Variants in KCNG4 observed in about 807,000 individuals in gnomAD.
KCNG4 encodes voltage-gated potassium channel regulatory subunit KCNG4.
KCNG4 carries 30 observed loss-of-function variants against 28.2 expected under a neutral mutation model. That is an observed-to-expected ratio of 1.06 (90% CI 0.80 to 1.44). The LOEUF (loss-of-function observed/expected upper bound fraction) is 1.44, where lower values mean the gene tolerates loss of function less well. Ranked by LOEUF, KCNG4 falls within the 40% of genes most tolerant of loss-of-function variation. The probability of loss-of-function intolerance (pLI) is 0.00; values close to 1 mark genes in which losing one functional copy is unlikely to be tolerated. For missense variants in KCNG4, 879 were observed against 712.3 expected, an observed-to-expected ratio of 1.23 and a Z score of -2.66; for synonymous variants, 375 against 315.5, an observed-to-expected ratio of 1.19 and a Z score of -2.00.
intron 2 of KCNG4, among the ~76,000 whole-genome samples, chr16:84,223,415 C>T (rs770855286): frequency 9.9e-5 from 15 of 152,110 alleles, no homozygotes; most frequent in African/African-American, 1.9e-4. Context: ...AACATCAAGG[C>T]GGGAGAATCT....
intron 2 of KCNG4, among the ~76,000 whole-genome samples, chr16:84,229,467 C>G (rs548741316): frequency 2.3e-4 from 35 of 152,336 alleles, no homozygotes; most frequent in African/African-American, 7.7e-4. Context: ...AGGAGCCCAG[C>G]AGGGGTCTAA....
intron 2 of KCNG4, among the ~76,000 whole-genome samples, chr16:84,224,459 A>G (rs1016810491): frequency 6.8e-6 from 1 of 146,184 alleles, no homozygotes; most frequent in Non-Finnish European, 1.5e-5. Context: ...TATTTGATGG[A>G]TGAATGGATG....
rs766073411 is a variant in KCNG4, at chr16:84,222,679, A to G, written c.1098T>C (p.Arg366=). 1.2e-4 allele frequency: 186 copies of G among 1,613,066 alleles called. No individual in the cohort carries two copies. The highest frequency in any genetic ancestry group is 1.4e-4 in the Non-Finnish European group (168 of 1,179,842). Residue 366 remains arginine (R), a synonymous_variant, in exon 3 of 3, where the codon CGT becomes CGC. Transcript: ENST00000308251. ...GLQTLGLTVR[R]CTREFGLLLL... is the part of the protein sequence containing the mutation. The stretch of plus-strand genomic sequence containing the variant: ...GGAGCAGGCCGAACTCACGTGTGCA[A>G]CGGCGCACGGTGAGCCCCAGCGTCT...
Position 84,228,508 on chromosome 16 carries a change from G to A in KCNG4, c.757-5488C>T, listed in dbSNP as rs145136064. ...AGCCACTTTTCTCTCGGCCAGCCGT[G>A]CCCTCCGCTACCCTCCCCTCCTTTA... On this transcript the variant is annotated intron_variant, in intron 2 of 2. Coordinates refer to ENST00000308251, the MANE Select transcript of KCNG4 (RefSeq NM_172347.3). Among the ~76,000 whole-genome samples, 479 of 152,138 alleles carry A rather than the reference G, an allele frequency of 3.1e-3. 4 individuals carry two copies. The highest frequency in any genetic ancestry group is 0.011 in the African/African-American group (452 of 41,502).
rs765825603 is a variant in KCNG4 at position 84,236,473 on chromosome 16, A to G, written c.756+257T>C. The G allele has an allele frequency of 5.5e-5, 30 of 546,930 alleles. 1 individual carries two copies. The highest frequency in any genetic ancestry group is 7.9e-5 in the Non-Finnish European group (25 of 315,328). The allele number at this position is 546,930 out of a possible 1,614,324, so 33.9% of individuals were successfully genotyped here. On this transcript the variant is annotated intron_variant, in intron 2 of 2. Coordinates refer to ENST00000308251, the MANE Select transcript of KCNG4 (RefSeq NM_172347.3). ...TCTGTGTGGCCCACTGAGTCCACGC[A>G]TGGCTGAGGGCCACGTAATGATTTT...
In KCNG4 at chr16:84,218,798, G is replaced by C. The variant is rs1904490033; in HGVS notation, c.*3419C>G. On this transcript the variant is annotated 3_prime_UTR_variant, in exon 3 of 3. Transcript: ENST00000308251. ...AGACACTATAGAATCTCATAATGGT[G>C]GTGGTGCTTCACCTAATTTTGATTT... 1 of 152,204 alleles carries C rather than the reference G, an allele frequency of 6.6e-6. No individual in the cohort carries two copies. The highest frequency in any genetic ancestry group is 1.5e-5 in the Non-Finnish European group (1 of 68,052). 9.4% of individuals were successfully genotyped at this position (152,204 alleles called of 1,614,324 possible).
rs963651754 is a variant in KCNG4, at chr16:84,221,309, G to T, written c.*908C>A. 1 of 152,260 alleles carries T rather than the reference G, an allele frequency of 6.6e-6. No homozygotes were observed. Among genetic ancestry groups the T allele is most frequent in the African/African-American group, 2.4e-5 (1 of 41,454 alleles). 9.4% of individuals were successfully genotyped at this position (152,260 alleles called of 1,614,324 possible). On this transcript the variant is annotated 3_prime_UTR_variant, in exon 3 of 3. Transcript: ENST00000308251. ...GGCTCAGCTGTGGATGAAAAGCTAA[G>T]GCCCCTGCAGTGTGGGAGCAACCAG...
chr16:84,237,877 C>G (rs1221934948), intron 1 of KCNG4, among the ~76,000 whole-genome samples: 1 of 152,152 alleles, frequency 6.6e-6, no homozygotes, highest in Non-Finnish European at 1.5e-5. Context: ...GGCTTAACCT[C>G]TCTGATCTCA....
In KCNG4 at chr16:84,223,076, GA is replaced by G; in HGVS notation, c.757-57del. ...AGAGAGTGGACTTGCAACTGTGCTG[GA>G]AATCGGGGGACGACTTCATGCCCAT... On this transcript the variant is annotated intron_variant, in intron 2 of 2. Coordinates refer to ENST00000308251, the MANE Select transcript of KCNG4 (RefSeq NM_172347.3). 2.9e-6 allele frequency: 4 copies of G among 1,371,652 alleles called. No homozygotes were observed. The South Asian group carries it at 5.9e-5, about 20-fold the overall frequency. 85.0% of individuals were successfully genotyped at this position (1,371,652 alleles called of 1,614,324 possible).
chr16:84,230,072 G>A (rs1324282824), intron 2 of KCNG4, among the ~76,000 whole-genome samples: 1 of 152,010 alleles, frequency 6.6e-6, no homozygotes. Context: ...CTGCATCCCG[G>A]GGAGGAGGCC....
chr16:84,229,894 A>C (rs572298180), intron 2 of KCNG4, among the ~76,000 whole-genome samples: 1 of 152,378 alleles, frequency 6.6e-6, no homozygotes, highest in East Asian at 1.9e-4. Flanking sequence ...AGCAATTACC[A>C]AATGCCACCA....
At chr16:84,233,811 A>G (rs2151339316) in intron 2 of KCNG4, among the ~76,000 whole-genome samples, 1 of 152,266 alleles carries the variant, frequency 6.6e-6, no homozygotes, top group Non-Finnish European at 1.5e-5. Context: ...AAAGGAAAGA[A>G]AGATGGTATC....
chr16:84,220,005 G>A lies in KCNG4; in HGVS notation c.*2212C>T, dbSNP rs1904519766. 1 of 152,132 alleles carries A rather than the reference G, an allele frequency of 6.6e-6. No homozygotes were observed. The highest frequency in any genetic ancestry group is 1.5e-5 in the Non-Finnish European group (1 of 68,068). 9.4% of individuals were successfully genotyped at this position (152,132 alleles called of 1,614,324 possible). ...TTGAACCCAGGAGGCGGAGGTTGCA[G>A]TGAGCTGGGATCAAGCCACTGCACT... On this transcript the variant is annotated 3_prime_UTR_variant, in exon 3 of 3. Transcript: ENST00000308251.
At position 84,222,833 on chromosome 16, in the gene KCNG4, T is replaced by C; in HGVS notation, c.944A>G (p.Glu315Gly). The change falls in exon 3 of 3, where the codon GAG becomes GGG. Residue 315 changes from glutamate to glycine, a missense_variant. Coordinates refer to ENST00000308251, the MANE Select transcript of KCNG4 (RefSeq NM_172347.3). ...CGGCCTCTCGCCGTCCTCCGGGGGC[T>C]CCTCAGACACCGCCAGCGACACGTA... Reference protein sequence around the residue: ...PYYVSLAVSEEPPEDGERPSG... With the variant: ...PYYVSLAVSEGPPEDGERPSG... 6.2e-7 allele frequency: 1 copy of C among 1,610,536 alleles called. No homozygotes were observed. The highest frequency in any genetic ancestry group is 8.5e-7 in the Non-Finnish European group (1 of 1,177,396).
At chr16:84,223,474 T>G (rs1904627793) in intron 2 of KCNG4, among the ~76,000 whole-genome samples, 1 of 152,182 alleles carries the variant, frequency 6.6e-6, no homozygotes, top group African/African-American at 2.4e-5. Flanking sequence ...TTGGGACTAT[T>G]GCACAAGAGA....
At chr16:84,236,577 G>T in intron 2 of KCNG4, 153 bp downstream of exon 2, 5 of 903,044 alleles carry the variant, frequency 5.5e-6, no homozygotes, top group Non-Finnish European at 8.0e-6. Flanking sequence ...TTTTATGACT[G>T]ATGGCCTAAT....
At chr16:84,231,100 G>A (rs1904817291) in intron 2 of KCNG4, among the ~76,000 whole-genome samples, 1 of 152,218 alleles carries the variant, frequency 6.6e-6, no homozygotes, top group Admixed American at 6.5e-5. Context: ...AGGGGTGTGA[G>A]CCCAGCCCCA....
Position 84,236,845 on chromosome 16 carries a change from G to C in KCNG4, c.641C>G (p.Pro214Arg), listed in dbSNP as rs763535358. ...GACCTTCCCGGGCAGCCCGGACTGCGGGTTTTCCACCATCTCGCGCAGCCG... is the reference window on the plus strand; with the variant it reads ...GACCTTCCCGGGCAGCCCGGACTGCCGGTTTTCCACCATCTCGCGCAGCCG... Reference protein sequence around the residue: ...MNRLREMVENPQSGLPGKVFA... With the variant: ...MNRLREMVENRQSGLPGKVFA... The change falls in exon 2 of 3, where the codon CCG (proline) becomes CGG (arginine). Residue 214 changes from proline (P) to arginine (R), a missense_variant. Transcript: ENST00000308251. The C allele has an allele frequency of 1.2e-6, 2 of 1,613,446 alleles. No individual in the cohort carries two copies. The highest frequency in any genetic ancestry group is 1.7e-6 in the Non-Finnish European group (2 of 1,180,036).
At chr16:84,225,055 G>C (rs1001020037) in intron 2 of KCNG4, among the ~76,000 whole-genome samples, 13 of 152,104 alleles carry the variant, frequency 8.5e-5, no homozygotes, top group Admixed American at 7.2e-4. Context: ...CCATTAACAG[G>C]ACCGTGCACC....
Sources: gnomAD v4.1 joint callset for allele counts (sites outside exome capture counted in the v4.1 genomes callset) on GRCh38, gnomAD v4.1.1 for gene constraint, MANE v1.5 for transcripts, NCBI Gene and HGNC (gene_info 2026-07-23, HGNC 2026-07-21) for gene names.